ZNF385D: variants seen among roughly 807,000 people sequenced by gnomAD.
ZNF385D encodes the protein zinc finger protein 385D.
ZNF385D carries 15 observed loss-of-function variants against 35.8 expected under a neutral mutation model. The observed-to-expected ratio is 0.42, with a 90% CI of 0.28 to 0.64. The LOEUF (loss-of-function observed/expected upper bound fraction) is 0.64, where lower values mean the gene tolerates loss of function less well. Among genes scored for constraint, ZNF385D ranks in the 30% least tolerant of loss-of-function variants. ZNF385D has a pLI of 0.23. For synonymous variants in ZNF385D, 212 were observed against 186.8 expected (o/e 1.13, Z -1.10); for missense variants, 474 against 494.6 (o/e 0.96, Z 0.39).
At chr3:22,169,732 T>A (rs1706561919) in intron 2 of ZNF385D, among the ~76,000 whole-genome samples, 1 of 152,182 alleles carries the variant, frequency 6.6e-6, no homozygotes, top group East Asian at 1.9e-4. Flanking sequence ...AATGTACGCT[T>A]TGTATACTAA....
intron 3 of ZNF385D, among the ~76,000 whole-genome samples, chr3:22,061,114 ATTAAT>A (rs764474557): frequency 2.6e-5 from 4 of 151,594 alleles, no homozygotes; most frequent in African/African-American, 7.3e-5. Context: ...TAATCACCTG[ATTAAT>A]TAAATTAAAT....
intron 7 of ZNF385D, among the ~76,000 whole-genome samples, chr3:21,421,722 A>G (rs969212250): frequency 1.3e-5 from 2 of 152,218 alleles, no homozygotes; most frequent in African/African-American, 2.4e-5. Flanking sequence ...GTTGAAAATT[A>G]TATTTCCAGA....
chr3:22,162,263 A>G (rs945796881), intron 3 of ZNF385D, among the ~76,000 whole-genome samples: 1 of 152,156 alleles, frequency 6.6e-6, no homozygotes, highest in Non-Finnish European at 1.5e-5. Context: ...TCTTTGGCAT[A>G]TTTTAAGATG....
intron 3 of ZNF385D, among the ~76,000 whole-genome samples, chr3:21,815,462 G>C (rs1348588387): frequency 6.6e-6 from 1 of 152,052 alleles, no homozygotes; most frequent in Non-Finnish European, 1.5e-5. Context: ...AGAAAAGAGA[G>C]AAGAATCAGA....
At chr3:22,287,936 G>T (rs1353307203) in intron 2 of ZNF385D, among the ~76,000 whole-genome samples, 1 of 151,994 alleles carries the variant, frequency 6.6e-6, no homozygotes, top group Admixed American at 6.6e-5. Context: ...TTGTGAGGAA[G>T]TTCAGTGGGA....
At chr3:21,451,475 T>TG (rs398038785) in intron 4 of ZNF385D, among the ~76,000 whole-genome samples, 3 of 152,226 alleles carry the variant, frequency 2.0e-5, no homozygotes, top group Non-Finnish European at 4.4e-5. Context: ...CATTATTTTT[T>TG]GCTGTTTTAA....
chr3:22,197,385 C>A (rs569765040), intron 2 of ZNF385D, among the ~76,000 whole-genome samples: 2 of 152,148 alleles, frequency 1.3e-5, no homozygotes, highest in South Asian at 4.2e-4. Context: ...CTGTTTCCTA[C>A]CCATGATTTG....
At chr3:21,753,675 G>A (rs1194156349), upstream of ZNF385D, among the ~76,000 whole-genome samples, 1 of 152,178 alleles carries the variant, frequency 6.6e-6, no homozygotes, top group East Asian at 1.9e-4. Flanking sequence ...TGGAAAACAA[G>A]TGATGTTTGT....
chr3:21,740,095 C>T (rs1279881869), intron 1 of ZNF385D, among the ~76,000 whole-genome samples: 3 of 152,152 alleles, frequency 2.0e-5, no homozygotes, highest in African/African-American at 7.2e-5. Flanking sequence ...CACGGGAAGT[C>T]CAACATCCTG....
chr3:21,566,745 G>T (rs1404782757), intron 2 of ZNF385D, among the ~76,000 whole-genome samples: 1 of 152,146 alleles, frequency 6.6e-6, no homozygotes, highest in Non-Finnish European at 1.5e-5. Flanking sequence ...AGTATTAAGT[G>T]TACAAGTGAA....
chr3:21,597,012 G>C (rs1331950910), intron 2 of ZNF385D, among the ~76,000 whole-genome samples: 1 of 151,706 alleles, frequency 6.6e-6, no homozygotes, highest in Non-Finnish European at 1.5e-5. Context: ...AGACAGAAAA[G>C]GTATTATAAT....
chr3:21,993,445 C>A (rs748678500), intron 3 of ZNF385D, among the ~76,000 whole-genome samples: 2 of 152,090 alleles, frequency 1.3e-5, no homozygotes, highest in Non-Finnish European at 2.9e-5. Flanking sequence ...AATGAATAAT[C>A]TTATGATTAT....
At chr3:21,961,954 G>C (rs1702620866) in intron 3 of ZNF385D, among the ~76,000 whole-genome samples, 1 of 152,142 alleles carries the variant, frequency 6.6e-6, no homozygotes, top group African/African-American at 2.4e-5. Context: ...AAAAAGAAGT[G>C]ACATGGGTTT....
chr3:21,648,193 C>T (rs1391610146), intron 2 of ZNF385D, among the ~76,000 whole-genome samples: 3 of 152,044 alleles, frequency 2.0e-5, no homozygotes, highest in Non-Finnish European at 4.4e-5. Context: ...GGGCGGGTTT[C>T]CCCCATACTG....
chr3:22,273,885 T>G (rs1045509774), intron 2 of ZNF385D, among the ~76,000 whole-genome samples: 5 of 152,014 alleles, frequency 3.3e-5, no homozygotes, highest in African/African-American at 1.2e-4. Flanking sequence ...AGGTGTGCTA[T>G]ATATGGACAA....
chr3:21,449,516 A>T (rs1702340764), intron 4 of ZNF385D, among the ~76,000 whole-genome samples: 1 of 152,210 alleles, frequency 6.6e-6, no homozygotes, highest in African/African-American at 2.4e-5. Context: ...TATTTAGGAT[A>T]CATGTTTGTA....
At chr3:22,138,172 C>A (rs952628989) in intron 3 of ZNF385D, among the ~76,000 whole-genome samples, 2 of 152,020 alleles carry the variant, frequency 1.3e-5, no homozygotes, top group African/African-American at 4.8e-5. Context: ...AAAGAGGATA[C>A]AAACAAATGG....
exon 2 of ZNF385D, chr3:22,372,628 T>C: frequency 2.1e-6 from 1 of 478,346 alleles, no homozygotes; most frequent in Non-Finnish European, 2.7e-6. Flanking sequence ...TCAACGGCGG[T>C]GGTCGCCGCG....
chr3:22,175,462 A>T (rs370156039), intron 2 of ZNF385D, among the ~76,000 whole-genome samples: 79 of 152,130 alleles, frequency 5.2e-4, no homozygotes, highest in African/African-American at 1.8e-3. Context: ...AAATGAGAAA[A>T]AAAAAGCTAT....
Sources: gnomAD v4.1 joint callset for allele counts (sites outside exome capture counted in the v4.1 genomes callset) on GRCh38, gnomAD v4.1.1 for gene constraint, MANE v1.5 for transcripts, NCBI Gene and HGNC (gene_info 2026-07-23, HGNC 2026-07-21) for gene names.